HFM1: variants seen among roughly 807,000 people sequenced by gnomAD.
HFM1 encodes helicase for meiosis 1, also known as probable ATP-dependent DNA helicase HFM1.
HFM1 carries 169 observed loss-of-function variants against 192.1 expected under a neutral mutation model. The observed-to-expected ratio is 0.88, with a 90% CI of 0.78 to 1.00. The LOEUF (loss-of-function observed/expected upper bound fraction) is 1.00, where lower values mean the gene tolerates loss of function less well. Ranked by LOEUF, HFM1 falls within the 50% of genes least tolerant of loss-of-function variation. The probability of loss-of-function intolerance (pLI) is 0.00; values close to 1 mark genes in which losing one functional copy is unlikely to be tolerated. For synonymous variants in HFM1, 525 were observed against 537.8 expected (o/e 0.98, Z 0.33); for missense variants, 1,661 against 1,668.0 (o/e 1.00, Z 0.07).
intron 34 of HFM1, among the ~76,000 whole-genome samples, chr1:91,270,557 T>A (rs1666187292): frequency 6.6e-6 from 1 of 150,868 alleles, no homozygotes; most frequent in Non-Finnish European, 1.5e-5. Context: ...TAGGAAAAGT[T>A]TTTGAAGTGA....
intron 20 of HFM1, among the ~76,000 whole-genome samples, chr1:91,333,314 C>A (rs914346212): frequency 1.3e-5 from 2 of 152,090 alleles, no homozygotes; most frequent in African/African-American, 4.8e-5. Context: ...ATGGATGGAA[C>A]CCCAGGTCAT....
At chr1:91,400,129 CAATT>C (rs767392154) in intron 2 of HFM1, among the ~76,000 whole-genome samples, 10 of 152,024 alleles carry the variant, frequency 6.6e-5, no homozygotes, top group Non-Finnish European at 1.2e-4. Flanking sequence ...AATAATGAGG[CAATT>C]AATACACCTC....
intron 30 of HFM1, among the ~76,000 whole-genome samples, chr1:91,299,166 C>T (rs1041944595): frequency 3.3e-5 from 5 of 152,168 alleles, no homozygotes; most frequent in Admixed American, 1.3e-4. Context: ...AGACTTTAAA[C>T]CAACAAAGAT....
chr1:91,381,628 A>T (rs1661562907), intron 6 of HFM1, among the ~76,000 whole-genome samples: 1 of 152,178 alleles, frequency 6.6e-6, no homozygotes, highest in African/African-American at 2.4e-5. Flanking sequence ...AGATTGGGAG[A>T]TATCTGTATT....
intron 1 of HFM1, among the ~76,000 whole-genome samples, chr1:91,403,109 T>G (rs1029830471): frequency 1.2e-4 from 18 of 152,150 alleles, no homozygotes; most frequent in African/African-American, 4.3e-4. Context: ...TTATTTTTCT[T>G]CATAGCATGA....
At position 91,378,017 on chromosome 1, in the gene HFM1, T is replaced by A. The variant is rs762526823; in HGVS notation, c.1395+8A>T. On this transcript the variant is annotated splice_region_variant and intron_variant, in intron 11 of 38. Coordinates refer to ENST00000370425, the MANE Select transcript of HFM1 (RefSeq NM_001017975.6). ...AAACCTAAGAGCTCAGTTAAAATTG[T>A]AACTCACATCCTCAGCATTTGGAAT... The A allele has an allele frequency of 6.2e-7, 1 of 1,608,134 alleles. No homozygotes were observed. The highest frequency in any genetic ancestry group is 1.7e-5 in the Admixed American group (1 of 59,210).
At chr1:91,332,837 G>A (rs568681916) in intron 20 of HFM1, among the ~76,000 whole-genome samples, 7 of 152,206 alleles carry the variant, frequency 4.6e-5, no homozygotes, top group African/African-American at 1.7e-4. Flanking sequence ...CAGCAAACAG[G>A]CATATGAAAA....
intron 16 of HFM1, among the ~76,000 whole-genome samples, chr1:91,351,953 T>C (rs1656989711): frequency 6.6e-6 from 1 of 152,004 alleles, no homozygotes. Context: ...TGATTTACTC[T>C]ATGAAATTGT....
At chr1:91,352,943 A>C in intron 15 of HFM1, 108 bp downstream of exon 15, 2 of 714,560 alleles carry the variant, frequency 2.8e-6, no homozygotes, top group East Asian at 5.4e-5. Flanking sequence ...TTATATTCTC[A>C]GAAGAAAAGC....
rs376773665 is a variant in HFM1, at chr1:91,355,546, C to A, written c.1686-2247G>T. Reference sequence around the variant, plus strand: ...AGAAAATATTCTACATAAATAGTAACCAAAAGAGAGCAGGGTGGCTATTCT... The same window carrying A: ...AGAAAATATTCTACATAAATAGTAAACAAAAGAGAGCAGGGTGGCTATTCT... On this transcript the variant is annotated intron_variant, in intron 13 of 38. Coordinates refer to ENST00000370425, the MANE Select transcript of HFM1 (RefSeq NM_001017975.6). 2.4e-4 allele frequency among the ~76,000 whole-genome samples: 37 copies of A among 151,834 alleles called. No homozygotes were observed. In the South Asian group the frequency reaches 7.7e-3, roughly 32 times the overall value.
At chr1:91,286,438 A>G (rs1240922899) in intron 30 of HFM1, among the ~76,000 whole-genome samples, 1 of 152,024 alleles carries the variant, frequency 6.6e-6, no homozygotes, top group Non-Finnish European at 1.5e-5. Flanking sequence ...GGCTTGTGGG[A>G]GCATAACTAT....
At chr1:91,330,553 G>C (rs1214763780) in intron 20 of HFM1, among the ~76,000 whole-genome samples, 2 of 152,142 alleles carry the variant, frequency 1.3e-5, no homozygotes, top group African/African-American at 2.4e-5. Context: ...TGGCTTCACT[G>C]CTGAATTCTA....
chr1:91,354,217 C>A (rs1657403492), intron 13 of HFM1, among the ~76,000 whole-genome samples: 1 of 151,078 alleles, frequency 6.6e-6, no homozygotes, highest in South Asian at 2.1e-4. Context: ...GCTTCAACAG[C>A]AAACCAAAAC....
intron 18 of HFM1, 102 bp downstream of exon 18, chr1:91,350,636 C>A: frequency 3.0e-6 from 3 of 1,011,876 alleles, no homozygotes; most frequent in Admixed American, 2.5e-5. Context: ...TGTTTTGTTA[C>A]CTATTAGTTT....
intron 33 of HFM1, among the ~76,000 whole-genome samples, chr1:91,274,285 T>C (rs76625256): frequency 0.096 from 14,583 of 151,908 alleles, 732 homozygotes; most frequent in East Asian, 0.16. Context: ...CCTCATTTTA[T>C]GGGCCATGTT....
chr1:91,318,147 T>C (rs1651535569), intron 25 of HFM1, among the ~76,000 whole-genome samples: 1 of 152,180 alleles, frequency 6.6e-6, no homozygotes, highest in Non-Finnish European at 1.5e-5. Flanking sequence ...TGGTATTTGG[T>C]TGCCAGGACT....
chr1:91,282,250 G>A (rs777520708), intron 30 of HFM1, among the ~76,000 whole-genome samples: 1 of 151,960 alleles, frequency 6.6e-6, no homozygotes, highest in Non-Finnish European at 1.5e-5. Context: ...TCATTGAGAA[G>A]GTATTGACTT....
In HFM1 at chr1:91,401,025, C is replaced by G. The variant is rs761296537; in HGVS notation, c.58G>C (p.Asp20His). The G allele has an allele frequency of 1.3e-6, 2 of 1,526,718 alleles. No homozygotes were observed. The highest frequency in any genetic ancestry group is 4.1e-5 in the Admixed American group (2 of 48,816). The allele number at this position is 1,526,718 out of a possible 1,614,324, so 94.6% of individuals were successfully genotyped here. The change falls in exon 2 of 39, where the codon GAT (aspartate) becomes CAT (histidine). Residue 20 changes from aspartate (D) to histidine (H), a missense_variant. Asp to His is a moderately conservative substitution (Grantham distance 81, BLOSUM62 -1). Transcript: ENST00000370425. ...SLENLFFEKP[D>H]EVENHPDNEK... ...AGGGAGACTTACTTTTCAACTTCAT[C>G]TGGTTTTTCAAAAAACAAATTTTCC...
At chr1:91,330,211 T>G (rs1570974562) in intron 20 of HFM1, among the ~76,000 whole-genome samples, 1 of 152,072 alleles carries the variant, frequency 6.6e-6, no homozygotes, top group East Asian at 1.9e-4. Context: ...GTGCTGTTTT[T>G]GTTTTAAAGT....
Sources: gnomAD v4.1 joint callset for allele counts (sites outside exome capture counted in the v4.1 genomes callset) on GRCh38, gnomAD v4.1.1 for gene constraint, MANE v1.5 for transcripts, NCBI Gene and HGNC (gene_info 2026-07-23, HGNC 2026-07-21) for gene names.